Variants in EPCAM observed in about 807,000 individuals in gnomAD.
EPCAM encodes the protein epithelial cell adhesion molecule.
In EPCAM, 39 loss-of-function variants were observed where a neutral mutation model predicts 40.0. The observed-to-expected ratio is 0.98, with a 90% confidence interval of 0.76 to 1.27. The LOEUF is 1.27. Among genes scored for constraint, EPCAM ranks in the 50% most tolerant of loss-of-function variants. EPCAM has a pLI of 0.00. For missense variants in EPCAM, 503 were observed against 381.2 expected (o/e 1.32, Z -2.66); for synonymous variants, 168 against 132.3 (o/e 1.27, Z -1.85).
At position 47,386,663 on chromosome 2, in the gene EPCAM, A is replaced by G. The variant is rs1671750404; in HGVS notation, c.*50A>G. The G allele has an allele frequency of 5.0e-6, 7 of 1,396,160 alleles. No homozygotes were observed. The highest frequency in any genetic ancestry group is 7.1e-6 in the Non-Finnish European group (7 of 983,230). The allele number at this position is 1,396,160 out of a possible 1,614,324, so 86.5% of individuals were successfully genotyped here. A position where few individuals can be genotyped will look rare whatever the true frequency, so the allele number is the denominator to read the frequency against. ...GAAGGGAAATAGCAAATGGACACAA[A>G]TTACAAATGTGTGTGCGTGGGACGA... is the stretch of plus-strand genomic sequence containing the variant. On this transcript the variant is annotated 3_prime_UTR_variant, in exon 9 of 9. Transcript: ENST00000263735.
intron 7 of EPCAM, among the ~76,000 whole-genome samples, chr2:47,384,775 C>T (rs1265805335): frequency 1.3e-5 from 2 of 152,014 alleles, no homozygotes; most frequent in African/African-American, 4.8e-5. Flanking sequence ...GATGCCATCT[C>T]CACTCACTGC....
intron 1 of EPCAM, 69 bp from the exon 2 acceptor site, chr2:47,373,394 A>G (rs1671332129): frequency 5.2e-6 from 5 of 968,350 alleles, no homozygotes; most frequent in East Asian, 2.6e-5. Flanking sequence ...TTATTACAAT[A>G]TAACTTAGCT....
chr2:47,381,466 CT>C (rs1299226077), intron 7 of EPCAM, among the ~76,000 whole-genome samples: 2 of 149,964 alleles, frequency 1.3e-5, no homozygotes, highest in Non-Finnish European at 3.0e-5. Context: ...TATTTAGGAA[CT>C]TAGATTTCCA....
chr2:47,370,469 G>A lies in EPCAM; in HGVS notation c.76+888G>A, dbSNP rs370562924. Among the ~76,000 whole-genome samples the A allele has an allele frequency of 1.8e-4, 28 of 152,082 alleles. No individual in the cohort carries two copies. The East Asian group carries it at 5.1e-3, about 27-fold the overall frequency. ...TTTTTGTATTGTTAGTAGAGACGGG[G>A]TTTCTCCATGTTGGTCAGGCTGGTC... On this transcript the variant is annotated intron_variant, in intron 1 of 8. Coordinates refer to ENST00000263735, the MANE Select transcript of EPCAM (RefSeq NM_002354.3).
chr2:47,374,398 C>G (rs1214156587), intron 3 of EPCAM, among the ~76,000 whole-genome samples: 1 of 151,968 alleles, frequency 6.6e-6, no homozygotes, highest in Middle Eastern at 3.2e-3. Flanking sequence ...TGTAATTTAA[C>G]CTATGTATTT....
At chr2:47,377,228 T>A in intron 5 of EPCAM, 151 bp downstream of exon 5, 1 of 683,102 alleles carries the variant, frequency 1.5e-6, no homozygotes, top group Non-Finnish European at 2.7e-6. Context: ...TTCCTGTTAC[T>A]GTTTTTTTTT....
At chr2:47,369,633 G>GCGGCCCCCGGCCCT (rs1046612207) in intron 1 of EPCAM, 52 bp downstream of exon 1, 87 of 1,510,622 alleles carry the variant, frequency 5.8e-5, no homozygotes, top group Admixed American at 2.3e-4. Flanking sequence ...CTGGGGGGCA[G>GCGGCCCCCGGCCCT]CGGCCCCCGG....
intron 7 of EPCAM, among the ~76,000 whole-genome samples, chr2:47,382,178 A>G (rs965628298): frequency 5.9e-5 from 9 of 152,228 alleles, no homozygotes; most frequent in Admixed American, 5.2e-4. Flanking sequence ...TAAAGCAAAA[A>G]TGGATATTAT....
intron 7 of EPCAM, among the ~76,000 whole-genome samples, chr2:47,381,202 G>A (rs1340330516): frequency 1.1e-4 from 16 of 149,382 alleles, no homozygotes; most frequent in African/African-American, 3.9e-4. Context: ...TTCGAGACCA[G>A]CCTGACCAAC....
chr2:47,373,235 ACAG>A (rs1433332226), intron 1 of EPCAM, among the ~76,000 whole-genome samples: 2 of 145,960 alleles, frequency 1.4e-5, no homozygotes, highest in Admixed American at 1.4e-4. Context: ...AAAAAAAAAA[ACAG>A]GAATGCATGC....
chr2:47,385,348 C>T lies in EPCAM; in HGVS notation c.903+138C>T, dbSNP rs1299068633. 22 of 739,448 alleles carry T rather than the reference C, an allele frequency of 3.0e-5. No individual in the cohort carries two copies. The Admixed American group carries it at 4.4e-4, about 15-fold the overall frequency. The allele number at this position is 739,448 out of a possible 1,614,324, so 45.8% of individuals were successfully genotyped here. ...TTGTCTTTAGGGTCTTAGGGACAGTCTTAGAATGTACTCTTACCTAAATAT... is the reference window on the plus strand; with the variant it reads ...TTGTCTTTAGGGTCTTAGGGACAGTTTTAGAATGTACTCTTACCTAAATAT... On this transcript the variant is annotated intron_variant, in intron 8 of 8. Coordinates refer to ENST00000263735, the MANE Select transcript of EPCAM (RefSeq NM_002354.3).
rs1671381902 is a variant in EPCAM at position 47,374,899 on chromosome 2, A to G, written c.426-335A>G. ...GCAATCCACCCACCTCCACCTCCCA[A>G]AGTGTTGGATTACAGTTGTGAGCCA... On this transcript the variant is annotated intron_variant, in intron 3 of 8. Coordinates refer to ENST00000263735, the MANE Select transcript of EPCAM (RefSeq NM_002354.3). Among the ~76,000 whole-genome samples the G allele has an allele frequency of 2.6e-5, 4 of 151,882 alleles. No individual in the cohort carries two copies. In the South Asian group the frequency reaches 8.3e-4, roughly 32 times the overall value.
At chr2:47,382,754 G>A (rs1671626580) in intron 7 of EPCAM, among the ~76,000 whole-genome samples, 1 of 152,144 alleles carries the variant, frequency 6.6e-6, no homozygotes, top group South Asian at 2.1e-4. Context: ...CAGTAAGAGA[G>A]TAAATTATGT....
At chr2:47,384,008 A>G (rs116119239) in intron 7 of EPCAM, among the ~76,000 whole-genome samples, 2,782 of 151,438 alleles carry the variant, frequency 0.018, 75 homozygotes, top group African/African-American at 0.063. Flanking sequence ...CTGTTGTCCC[A>G]TTGGATCCAG....
Position 47,373,836 on chromosome 2 carries a change from A to C in EPCAM, c.213A>C (p.Ala71=), listed in dbSNP as rs1221867342. 6.2e-7 allele frequency: 1 copy of C among 1,614,174 alleles called. No individual in the cohort carries two copies. ...KLAAKCLVMK[A]EMNGSKLGRR... ...CTGCCAAATGTTTGGTGATGAAGGC[A>C]GAAATGAATGGCTCAAAACTTGGGA... Residue 71 remains alanine, a synonymous_variant, in exon 3 of 9, where the codon GCA becomes GCC. Coordinates refer to ENST00000263735, the MANE Select transcript of EPCAM (RefSeq NM_002354.3).
chr2:47,381,462 G>A (rs1303933167), intron 7 of EPCAM, among the ~76,000 whole-genome samples: 4 of 150,978 alleles, frequency 2.6e-5, no homozygotes, highest in Non-Finnish European at 5.9e-5. Context: ...AGGGTATTTA[G>A]GAACTTAGAT....
At chr2:47,372,891 C>G (rs1190906160) in intron 1 of EPCAM, among the ~76,000 whole-genome samples, 1 of 151,700 alleles carries the variant, frequency 6.6e-6, no homozygotes, top group Non-Finnish European at 1.5e-5. Flanking sequence ...ACTTGGAGAG[C>G]TGTGTTCTTG....
At chr2:47,376,411 C>A (rs1474921992) in intron 4 of EPCAM, among the ~76,000 whole-genome samples, 1 of 152,062 alleles carries the variant, frequency 6.6e-6, no homozygotes, top group African/African-American at 2.4e-5. Flanking sequence ...CGTGCGCCAC[C>A]ATGCCTGGCT....
Position 47,375,217 on chromosome 2 carries a change from G to C in EPCAM, c.426-17G>C, listed in dbSNP as rs2103749941. On this transcript the variant is annotated splice_polypyrimidine_tract_variant and intron_variant, in intron 3 of 8. Coordinates refer to ENST00000263735, the MANE Select transcript of EPCAM (RefSeq NM_002354.3). ...GACTGAGTTATAGTCAACTGACATT[G>C]TCTTTTTACTTTATAGCTGGATCAT... 1 of 1,563,694 alleles carries C rather than the reference G, an allele frequency of 6.4e-7. No homozygotes were observed. Among genetic ancestry groups the C allele is most frequent in the African/African-American group, 1.4e-5 (1 of 73,942 alleles).
Sources: allele counts gnomAD v4.1 joint callset (sites outside exome capture counted in the v4.1 genomes callset), GRCh38; gene constraint gnomAD v4.1.1; transcripts MANE v1.5; gene names NCBI Gene and HGNC (gene_info 2026-07-23, HGNC 2026-07-21).